The following IL2RB variants were observed in gnomAD, a reference collection of about 807,000 sequenced individuals.
The protein encoded by IL2RB is interleukin 2 receptor subunit beta.
IL2RB carries 17 observed loss-of-function variants against 44.2 expected under a neutral mutation model. The ratio of observed to expected loss-of-function variants is 0.38; its 90% CI spans 0.26 to 0.58. The LOEUF is 0.58. Ranked by LOEUF, IL2RB falls within the 20% of genes least tolerant of loss-of-function variation. The pLI is 0.63. For synonymous variants in IL2RB, 286 were observed against 297.9 expected (o/e 0.96, Z 0.41); for missense variants, 624 against 685.5 (o/e 0.91, Z 1.00).
chr22:37,161,940 C>CTCTCCAAGCT (rs559714576), intron 1 of IL2RB: 13 of 152,220 alleles, frequency 8.5e-5, no homozygotes, highest in African/African-American at 1.7e-4. Context: ...TTCTCCAAGC[C>CTCTCCAAGCT]TCTCCAAGCT....
intron 1 of IL2RB, among the ~76,000 whole-genome samples, chr22:37,158,521 G>A (rs1050583311): frequency 2.0e-5 from 3 of 152,054 alleles, no homozygotes; most frequent in African/African-American, 4.8e-5. Flanking sequence ...TTGCGCAACC[G>A]CACTCGAGCC....
At chr22:37,138,111 A>G (rs1202087036) in intron 5 of IL2RB, among the ~76,000 whole-genome samples, 1 of 152,204 alleles carries the variant, frequency 6.6e-6, no homozygotes, top group Admixed American at 6.5e-5. Flanking sequence ...ATTACCTGGC[A>G]CTTGATTCAG....
chr22:37,142,406 G>C, intron 4 of IL2RB, 28 bp downstream of exon 4: 1 of 1,603,102 alleles, frequency 6.2e-7, no homozygotes, highest in Non-Finnish European at 8.5e-7. Context: ...CCCTCTCCCT[G>C]CACTCTCTCC....
At chr22:37,160,870 G>A (rs1008599911) in intron 1 of IL2RB, among the ~76,000 whole-genome samples, 11 of 151,698 alleles carry the variant, frequency 7.3e-5, no homozygotes, top group South Asian at 4.2e-4. Flanking sequence ...GACTGGATGC[G>A]GTGGCTCACA....
At position 37,128,943 on chromosome 22, in the gene IL2RB, C is replaced by T. The variant is rs568265876; in HGVS notation, c.904-95G>A. The T allele has an allele frequency of 5.7e-6, 8 of 1,406,696 alleles. No homozygotes were observed. In the African/African-American group the frequency reaches 8.6e-5, roughly 15 times the overall value. 87.1% of individuals were successfully genotyped at this position (1,406,696 alleles called of 1,614,324 possible). On this transcript the variant is annotated intron_variant, in intron 9 of 9. Coordinates refer to ENST00000216223, the MANE Select transcript of IL2RB (RefSeq NM_000878.5). This position sits in a 1 kb window ranked among gnomAD's most constrained non-coding sequence, Gnocchi z 4.5. ...TCAACAGCTCCTAACTCCTCCTCCT[C>T]CTGAAGCAGTTGGCCCAGGGCTGCC...
chr22:37,128,418 G>A lies in IL2RB; in HGVS notation c.1334C>T (p.Pro445Leu). ...LGGPSPPSTAPGGSGAGEERM... is the reference protein window; with the variant it reads ...LGGPSPPSTALGGSGAGEERM... ...CTCTTCACCGGCCCCACTGCCCCCA[G>A]GGGCAGTGCTTGGGGGGCTGGGGCC... is the stretch of plus-strand genomic sequence containing the variant. Residue 445 changes from proline (P) to leucine (L), a missense_variant, in exon 10 of 10, where the codon CCT becomes CTT. Physicochemically the swap from Pro to Leu is moderately conservative, Grantham distance 98 (BLOSUM62 -3). Around this residue, in one of 3 missense-constraint regions of IL2RB, gnomAD observed 291 missense variants for 275.5 expected, o/e 1.06. Coordinates refer to ENST00000216223, the MANE Select transcript of IL2RB (RefSeq NM_000878.5). This position sits in a 1 kb window ranked among gnomAD's most constrained non-coding sequence, Gnocchi z 4.5. 1.3e-6 allele frequency: 2 copies of A among 1,521,276 alleles called. No individual in the cohort carries two copies. Among genetic ancestry groups the A allele is most frequent in the Non-Finnish European group, 1.8e-6 (2 of 1,134,994 alleles). 94.2% of individuals were successfully genotyped at this position (1,521,276 alleles called of 1,614,324 possible).
intron 9 of IL2RB, among the ~76,000 whole-genome samples, chr22:37,129,676 C>A (rs1214813821): frequency 6.6e-6 from 1 of 152,230 alleles, no homozygotes; most frequent in Admixed American, 6.5e-5. Flanking sequence ...CTTGCTGTCA[C>A]CCATCAGGTC....
At chr22:37,129,006 C>T (rs538157643) in intron 9 of IL2RB, among the ~76,000 whole-genome samples, 158 bp from the exon 10 acceptor site, 3 of 152,302 alleles carry the variant, frequency 2.0e-5, no homozygotes, top group Non-Finnish European at 4.4e-5. Context: ...GCCCCGCACT[C>T]CCCCAACCCA....
intron 1 of IL2RB, among the ~76,000 whole-genome samples, chr22:37,160,029 G>C (rs1715653675): frequency 6.6e-6 from 1 of 152,258 alleles, no homozygotes; most frequent in African/African-American, 2.4e-5. Flanking sequence ...GCATTGTAAA[G>C]ACCTCCTTGA....
intron 1 of IL2RB, among the ~76,000 whole-genome samples, chr22:37,156,292 C>T (rs1320389225): frequency 1.3e-5 from 2 of 152,184 alleles, no homozygotes; most frequent in Non-Finnish European, 2.9e-5. Context: ...CTGCCATCAC[C>T]GCCTCCACTG....
Position 37,128,725 on chromosome 22 carries a change from C to G in IL2RB, c.1027G>C (p.Val343Leu). 6.2e-7 allele frequency: 1 copy of G among 1,614,176 alleles called. No individual in the cohort carries two copies. The highest frequency in any genetic ancestry group is 8.5e-7 in the Non-Finnish European group (1 of 1,180,004). ...CTGCTTAAGGATGCGGGCTCAGGCA[C>G]CTTGTCCTGCTGCAGGAGCAGCTGC... ...VTQLLLQQDK[V>L]PEPASLSSNH... Residue 343 changes from valine (V) to leucine (L), a missense_variant, in exon 10 of 10, where the codon GTG (valine) becomes CTG (leucine). Around this residue, in one of 3 missense-constraint regions of IL2RB, gnomAD observed 291 missense variants for 275.5 expected, o/e 1.06. Transcript: ENST00000216223. The surrounding 1 kb of genome is among the most constrained non-coding windows in gnomAD (Gnocchi z 4.5).
chr22:37,152,081 G>A (rs1040032008), upstream of IL2RB, among the ~76,000 whole-genome samples: 4 of 152,134 alleles, frequency 2.6e-5, no homozygotes, highest in Admixed American at 6.5e-5. Context: ...TAAATTTGAC[G>A]ATTATTTTTT....
chr22:37,150,020 T>C, upstream of IL2RB: 1 of 563,234 alleles, frequency 1.8e-6, no homozygotes. Flanking sequence ...ACGAGGCTTA[T>C]GAGAAAGCCT....
Position 37,141,471 on chromosome 22 carries a change from C to T in IL2RB, c.282+963G>A, listed in dbSNP as rs1921964712. On this transcript the variant is annotated intron_variant, in intron 4 of 9. Transcript: ENST00000216223. The surrounding 1 kb of genome is among the most constrained non-coding windows in gnomAD (Gnocchi z 4.4). ...CTGGAGGCACAGTCGGGGCTACGCA[C>T]TCTGTGGATCCAGTGTGAGTCGGGG... Among the ~76,000 whole-genome samples, 2 of 152,124 alleles carry T rather than the reference C, an allele frequency of 1.3e-5. No homozygotes were observed. The highest frequency in any genetic ancestry group is 4.8e-5 in the African/African-American group (2 of 41,422).
At position 37,160,679 on chromosome 22, in the gene IL2RB, C is replaced by CAAAAAAAAAAAAAAAAAAAA. The variant is rs10605445; in HGVS notation, c.-34+14278_-34+14279insTTTTTTTTTTTTTTTTTTTT. 1.3e-3 allele frequency among the ~76,000 whole-genome samples: 174 copies of CAAAAAAAAAAAAAAAAAAAA among 135,998 alleles called. 3 individuals are homozygous for CAAAAAAAAAAAAAAAAAAAA. Among genetic ancestry groups the CAAAAAAAAAAAAAAAAAAAA allele is most frequent in the African/African-American group, 4.9e-3 (167 of 34,388 alleles). The allele number at this position is 135,998 out of a possible 152,430, so 89.2% of individuals were successfully genotyped here. A position where few individuals can be genotyped will look rare whatever the true frequency, so the allele number is the denominator to read the frequency against. Reference sequence around the variant, plus strand: ...CAACATGCCGAAACCCTGTCTATGCCAAAAAAAAAAAAAAAAAAATTTAGC... The same window carrying CAAAAAAAAAAAAAAAAAAAA: ...CAACATGCCGAAACCCTGTCTATGCCAAAAAAAAAAAAAAAAAAAAAAAAAAAAAAAAAAAAAAATTTAGC... On this transcript the variant is annotated intron_variant, in intron 1 of 5. Transcript: ENST00000429622.
intron 1 of IL2RB, among the ~76,000 whole-genome samples, chr22:37,164,305 G>C (rs1257410355): frequency 6.6e-6 from 1 of 152,096 alleles, no homozygotes; most frequent in Non-Finnish European, 1.5e-5. Context: ...GTGCACAAGG[G>C]GTCAGAGGAG....
intron 1 of IL2RB, among the ~76,000 whole-genome samples, chr22:37,146,386 C>T (rs1048933845): frequency 1.3e-5 from 2 of 152,178 alleles, no homozygotes; most frequent in Admixed American, 6.5e-5. Context: ...CCCACCCTTC[C>T]AGACCCTGCC....
intron 8 of IL2RB, among the ~76,000 whole-genome samples, chr22:37,133,564 A>G (rs1348689248): frequency 1.3e-5 from 2 of 152,160 alleles, no homozygotes; most frequent in East Asian, 1.9e-4. Flanking sequence ...ACGCTTTGCA[A>G]ACCTCTTGGG....
chr22:37,150,408 G>A (rs528211722), upstream of IL2RB, among the ~76,000 whole-genome samples: 7 of 152,196 alleles, frequency 4.6e-5, no homozygotes, highest in South Asian at 4.2e-4. Context: ...CCCTTACTCC[G>A]TTTAGCATTC....
Sources: gnomAD v4.1 joint callset for allele counts (sites outside exome capture counted in the v4.1 genomes callset) on GRCh38, gnomAD v4.1.1 for gene constraint, gnomAD v4.1.1 regional missense constraint, Gnocchi (gnomAD v3.1) non-coding constraint, MANE v1.5 for transcripts, NCBI Gene and HGNC (gene_info 2026-07-23, HGNC 2026-07-21) for gene names.